The following CYYR1 variants were observed in gnomAD, a reference collection of about 807,000 sequenced individuals.
CYYR1 encodes the protein cysteine and tyrosine rich 1, also known as cysteine and tyrosine-rich protein 1.
A neutral mutation model predicts 15.2 loss-of-function variants in CYYR1; 14 were observed. The ratio of observed to expected loss-of-function variants is 0.92; its 90% CI spans 0.61 to 1.44. The LOEUF (loss-of-function observed/expected upper bound fraction) is 1.44. Ranked by LOEUF, CYYR1 falls within the 40% of genes most tolerant of loss-of-function variation. The pLI is 0.00. For missense variants in CYYR1, 228 were observed against 209.5 expected (o/e 1.09, Z -0.54); for synonymous variants, 80 against 77.4 (o/e 1.03, Z -0.18).
chr21:26,471,777 A>C (rs969458653), intron 3 of CYYR1: 3 of 152,126 alleles, frequency 2.0e-5, no homozygotes, highest in Admixed American at 1.3e-4. Context: ...ATCATACTTA[A>C]AAGTTGTATG....
At chr21:26,546,642 G>A (rs1054389840) in intron 2 of CYYR1, among the ~76,000 whole-genome samples, 1 of 152,202 alleles carries the variant, frequency 6.6e-6, no homozygotes, top group African/African-American at 2.4e-5. Context: ...GGAAATTGAA[G>A]TAGAAAGAGG....
At chr21:26,484,765 CT>C (rs1426333397) in intron 2 of CYYR1, among the ~76,000 whole-genome samples, 1 of 152,006 alleles carries the variant, frequency 6.6e-6, no homozygotes, top group Non-Finnish European at 1.5e-5. Flanking sequence ...TTCATTAATT[CT>C]TTTCTTAAAT....
chr21:26,571,478 T>A (rs1981004290), intron 1 of CYYR1, among the ~76,000 whole-genome samples: 1 of 152,230 alleles, frequency 6.6e-6, no homozygotes, highest in African/African-American at 2.4e-5. Flanking sequence ...GGGGCAGATG[T>A]GTAAAGCAGA....
chr21:26,572,735 G>A (rs1215153118), intron 1 of CYYR1, 133 bp downstream of exon 1: 1 of 1,127,348 alleles, frequency 8.9e-7, no homozygotes, highest in African/African-American at 1.6e-5. Context: ...TCGCCTCGCG[G>A]AAAAGGCAGA....
intron 1 of CYYR1, among the ~76,000 whole-genome samples, chr21:26,567,469 C>G (rs1450178245): frequency 2.0e-5 from 3 of 152,238 alleles, no homozygotes; most frequent in African/African-American, 7.2e-5. Flanking sequence ...AAAAATTACT[C>G]TAGCTTTTAA....
intron 1 of CYYR1, chr21:26,568,807 G>GACACTTCTC (rs1205321207): frequency 6.6e-6 from 1 of 152,090 alleles, no homozygotes; most frequent in Non-Finnish European, 1.5e-5. Context: ...ACATCAACCA[G>GACACTTCTC]ACACTTCTCA....
intron 3 of CYYR1, among the ~76,000 whole-genome samples, chr21:26,473,613 T>C (rs552345211): frequency 2.9e-4 from 44 of 152,268 alleles, no homozygotes; most frequent in African/African-American, 1.0e-3. Context: ...CCGCACCCTC[T>C]TTCCCTGCCT....
intron 2 of CYYR1, among the ~76,000 whole-genome samples, chr21:26,555,582 C>T (rs1218861920): frequency 1.3e-5 from 2 of 152,128 alleles, no homozygotes; most frequent in Non-Finnish European, 2.9e-5. Context: ...TTCTTCCTCT[C>T]CTTTCTGTAA....
intron 2 of CYYR1, among the ~76,000 whole-genome samples, chr21:26,499,063 T>C (rs2065445941): frequency 6.6e-6 from 1 of 152,120 alleles, no homozygotes. Context: ...AAGTCGAGAA[T>C]GGAAACAGGG....
At chr21:26,533,318 A>G (rs1454587629) in intron 2 of CYYR1, among the ~76,000 whole-genome samples, 1 of 151,702 alleles carries the variant, frequency 6.6e-6, no homozygotes, top group Non-Finnish European at 1.5e-5. Flanking sequence ...GATAATTATG[A>G]GGGCTCACAA....
In CYYR1 at chr21:26,480,343, A is replaced by G. The variant is rs2065159258; in HGVS notation, c.263T>C (p.Met88Thr). ...CACGCGGGTCGCCCTGTGGTTCTTC[A>G]TGCACATGCAGATGCATATGGCAAT... ...AGIAICICMC[M>T]KNHRATRVGI... Residue 88 changes from methionine to threonine, a missense_variant, in exon 3 of 4, where the codon ATG becomes ACG. Physicochemically the swap from Met to Thr is moderately conservative, Grantham distance 81 (BLOSUM62 -1). Coordinates refer to ENST00000652641, the MANE Select transcript of CYYR1 (RefSeq NM_001320768.2). The G allele has an allele frequency of 6.2e-7, 1 of 1,613,666 alleles. No homozygotes were observed. The highest frequency in any genetic ancestry group is 8.5e-7 in the Non-Finnish European group (1 of 1,179,732).
intron 2 of CYYR1, among the ~76,000 whole-genome samples, chr21:26,497,382 A>G (rs1670444120): frequency 6.6e-6 from 1 of 152,200 alleles, no homozygotes; most frequent in Non-Finnish European, 1.5e-5. Flanking sequence ...AAGCCCTTTA[A>G]CAAGAATTTG....
chr21:26,501,710 A>G (rs1418912451), intron 2 of CYYR1, among the ~76,000 whole-genome samples: 1 of 152,098 alleles, frequency 6.6e-6, no homozygotes, highest in Non-Finnish European at 1.5e-5. Context: ...ATTTCATTTT[A>G]TGTTATCTCG....
At chr21:26,508,424 G>A (rs182710558) in intron 2 of CYYR1, among the ~76,000 whole-genome samples, 2 of 152,266 alleles carry the variant, frequency 1.3e-5, no homozygotes, top group African/African-American at 4.8e-5. Context: ...TTGGATTGTG[G>A]GAAAGCTGAA....
chr21:26,476,585 C>CTATCT (rs1555902962), intron 3 of CYYR1, among the ~76,000 whole-genome samples: 41 of 143,844 alleles, frequency 2.9e-4, no homozygotes, highest in African/African-American at 9.9e-4. Context: ...CCCTATCTAT[C>CTATCT]ATCTATCTAT....
chr21:26,550,081 T>C (rs1979273668), intron 2 of CYYR1, among the ~76,000 whole-genome samples: 1 of 152,216 alleles, frequency 6.6e-6, no homozygotes, highest in African/African-American at 2.4e-5. Flanking sequence ...CTGTGTCACA[T>C]TTTGGTAATT....
In CYYR1 at chr21:26,567,541, C is replaced by T. The variant is rs1331453960; in HGVS notation, c.74-1173G>A. ...AAGCAAAGGTTGTCACTGACTTAGT[C>T]GTATAAGTTATGATGGATATATAAG... On this transcript the variant is annotated intron_variant, in intron 1 of 3. Coordinates refer to ENST00000652641, the MANE Select transcript of CYYR1 (RefSeq NM_001320768.2). Among the ~76,000 whole-genome samples, 5 of 151,928 alleles carry T rather than the reference C, an allele frequency of 3.3e-5. No homozygotes were observed. The East Asian group carries it at 9.6e-4, about 29-fold the overall frequency.
At chr21:26,492,159 T>A (rs1482829126) in intron 2 of CYYR1, among the ~76,000 whole-genome samples, 1 of 152,230 alleles carries the variant, frequency 6.6e-6, no homozygotes, top group Non-Finnish European at 1.5e-5. Flanking sequence ...ATCAATATCA[T>A]TGTCTTTCAC....
intron 2 of CYYR1, among the ~76,000 whole-genome samples, chr21:26,496,541 T>C (rs1261484916): frequency 2.0e-5 from 3 of 152,188 alleles, no homozygotes; most frequent in Non-Finnish European, 4.4e-5. Flanking sequence ...ATATTTAACA[T>C]AGAATCATTT....
Sources: gnomAD v4.1 joint callset for allele counts (sites outside exome capture counted in the v4.1 genomes callset) on GRCh38, gnomAD v4.1.1 for gene constraint, MANE v1.5 for transcripts, NCBI Gene and HGNC (gene_info 2026-07-23, HGNC 2026-07-21) for gene names.